Variants in GREM1 observed in about 807,000 individuals in gnomAD.
GREM1 encodes gremlin-1.
A neutral mutation model predicts 13.1 loss-of-function variants in GREM1; 6 were observed. The observed-to-expected ratio is 0.46, with a 90% CI of 0.25 to 0.91. The LOEUF (loss-of-function observed/expected upper bound fraction) is 0.91. GREM1 is among the 40% of genes least tolerant of loss of function. The probability of loss-of-function intolerance (pLI) is 0.18; values close to 1 mark genes in which losing one functional copy is unlikely to be tolerated. For synonymous variants in GREM1, 98 were observed against 93.7 expected (o/e 1.05, Z -0.27); for missense variants, 185 against 233.9 (o/e 0.79, Z 1.36).
chr15:32,723,998 C>T (rs913903955), intron 1 of GREM1, among the ~76,000 whole-genome samples: 7 of 152,206 alleles, frequency 4.6e-5, no homozygotes, highest in South Asian at 2.1e-4. Flanking sequence ...TTTTAAAATG[C>T]GAAGAATGGT....
At position 32,732,680 on chromosome 15, in the gene GREM1, G is replaced by C. The variant is rs2055641811; in HGVS notation, c.*1435G>C. 8.3e-6 allele frequency: 2 copies of C among 240,636 alleles called. No individual in the cohort carries two copies. The highest frequency in any genetic ancestry group is 1.8e-4 in the South Asian group (1 of 5,458). The allele number at this position is 240,636 out of a possible 1,614,324, so 14.9% of individuals were successfully genotyped here. On this transcript the variant is annotated 3_prime_UTR_variant, in exon 2 of 2. Coordinates refer to ENST00000651154, the MANE Select transcript of GREM1 (RefSeq NM_013372.7). ...CTGTTCATCTGCTACTGGTTGGATG[G>C]ACATAACTATTGTAACTATTCAGTA...
chr15:32,724,557 T>C (rs2055464202), intron 1 of GREM1, among the ~76,000 whole-genome samples: 1 of 152,206 alleles, frequency 6.6e-6, no homozygotes. Flanking sequence ...CTTGAGAAAT[T>C]GCCACACTGT....
rs1156759254 is a variant in GREM1 at position 32,737,617 on chromosome 15, A to T, written c.*6372A>T. ...GAGAAGGGAACTTCTTCAACCTCAC[A>T]CATGGCATCTATGAAAAACCCACAG... On this transcript the variant is annotated 3_prime_UTR_variant, in exon 2 of 2. Transcript: ENST00000651154. 6.6e-6 allele frequency: 1 copy of T among 152,182 alleles called. No individual in the cohort carries two copies. The highest frequency in any genetic ancestry group is 1.5e-5 in the Non-Finnish European group (1 of 68,044). 9.4% of individuals were successfully genotyped at this position (152,182 alleles called of 1,614,324 possible).
intron 1 of GREM1, among the ~76,000 whole-genome samples, chr15:32,726,623 G>A (rs1479697961): frequency 6.6e-6 from 1 of 150,770 alleles, no homozygotes; most frequent in East Asian, 1.9e-4. Context: ...AAAGCTAGCA[G>A]AAGACAAGAA....
At chr15:32,726,428 A>G (rs976213885) in intron 1 of GREM1, among the ~76,000 whole-genome samples, 2 of 152,204 alleles carry the variant, frequency 1.3e-5, no homozygotes, top group African/African-American at 2.4e-5. Context: ...GCAGAAATAA[A>G]TAGGTTCTTT....
chr15:32,718,335 C>T (rs1250147668), intron 1 of GREM1, 174 bp downstream of exon 1: 1 of 533,230 alleles, frequency 1.9e-6, no homozygotes, highest in Admixed American at 2.3e-5. Context: ...CTGCTGAGGC[C>T]GCGGACACCG....
rs555297512 is a variant in GREM1, at chr15:32,733,634, C to A, written c.*2389C>A. ...TACTGTGCCTATATTAAGACTAGTA[C>A]AAATGTGGTGTGTCTTCCAACTTTC... On this transcript the variant is annotated 3_prime_UTR_variant, in exon 2 of 2. Transcript: ENST00000651154. 1.2e-4 allele frequency: 27 copies of A among 227,888 alleles called. No individual in the cohort carries two copies. The highest frequency in any genetic ancestry group is 5.6e-4 in the African/African-American group (25 of 44,422). The allele number at this position is 227,888 out of a possible 1,614,324, so 14.1% of individuals were successfully genotyped here.
intron 1 of GREM1, among the ~76,000 whole-genome samples, chr15:32,723,880 A>G (rs2055453921): frequency 6.6e-6 from 1 of 152,248 alleles, no homozygotes. Context: ...AGAAAAAGAA[A>G]GACAAGTCTT....
chr15:32,736,399 A>G lies in GREM1; in HGVS notation c.*5154A>G, dbSNP rs1225713652. 1.3e-5 allele frequency: 2 copies of G among 152,190 alleles called. No homozygotes were observed. Among genetic ancestry groups the G allele is most frequent in the Admixed American group, 1.3e-4 (2 of 15,268 alleles). The allele number at this position is 152,190 out of a possible 1,614,324, so 9.4% of individuals were successfully genotyped here. On this transcript the variant is annotated 3_prime_UTR_variant, in exon 2 of 2. Coordinates refer to ENST00000651154, the MANE Select transcript of GREM1 (RefSeq NM_013372.7). The stretch of plus-strand genomic sequence containing the variant: ...TGTTATTGGCAATCTAGACTGCCAA[A>G]TGCATAAATAGGACTCCATCCATGC...
At chr15:32,720,300 C>T (rs2055383720) in intron 1 of GREM1, among the ~76,000 whole-genome samples, 1 of 152,178 alleles carries the variant, frequency 6.6e-6, no homozygotes, top group African/African-American at 2.4e-5. Context: ...TTATGTCCTA[C>T]ATCTCTGAAT....
chr15:32,730,449 C>G (rs1370355354), intron 1 of GREM1, among the ~76,000 whole-genome samples: 1 of 152,098 alleles, frequency 6.6e-6, no homozygotes, highest in Non-Finnish European at 1.5e-5. Context: ...AGAGCTAGGC[C>G]CTGGCTGAGT....
intron 1 of GREM1, chr15:32,719,082 G>A (rs901916826): frequency 5.8e-5 from 9 of 154,176 alleles, no homozygotes; most frequent in African/African-American, 1.9e-4. Context: ...GCGGGTTGGC[G>A]GCTGCAACGA....
Position 32,732,724 on chromosome 15 carries a change from C to G in GREM1, c.*1479C>G, listed in dbSNP as rs1239696590. 1 of 235,590 alleles carries G rather than the reference C, an allele frequency of 4.2e-6. No individual in the cohort carries two copies. Among genetic ancestry groups the G allele is most frequent in the Admixed American group, 5.8e-5 (1 of 17,334 alleles). The allele number at this position is 235,590 out of a possible 1,614,324, so 14.6% of individuals were successfully genotyped here. On this transcript the variant is annotated 3_prime_UTR_variant, in exon 2 of 2. Transcript: ENST00000651154. ...TTCAGTATTTACTGGTAGGCACTGT[C>G]CTCTGATTAAACTTGGCCTACTGGC...
chr15:32,721,707 T>C (rs1372712869), intron 1 of GREM1, among the ~76,000 whole-genome samples: 3 of 152,074 alleles, frequency 2.0e-5, no homozygotes, highest in Non-Finnish European at 4.4e-5. Context: ...TGAGCTGATA[T>C]CGTGCCAGTG....
At chr15:32,722,711 G>T (rs192762592) in intron 1 of GREM1, among the ~76,000 whole-genome samples, 1 of 152,222 alleles carries the variant, frequency 6.6e-6, no homozygotes, top group African/African-American at 2.4e-5. Flanking sequence ...AGGAAAGCAT[G>T]CTGTAGAGAG....
intron 1 of GREM1, among the ~76,000 whole-genome samples, chr15:32,729,553 T>TTCTC (rs746421781): frequency 1.3e-5 from 2 of 152,176 alleles, no homozygotes; most frequent in Non-Finnish European, 2.9e-5. Context: ...ATTCATTCTT[T>TTCTC]TCTCTCTCTG....
Position 32,738,100 on chromosome 15 carries a change from A to AC in GREM1, c.*6855_*6856insC, listed in dbSNP as rs2055722790. ...TAATTAGGCAAAAAAAAAAAAAAAA[A>AC]AAAAAAAAAAAAAAAAAAAAAAAAA... On this transcript the variant is annotated 3_prime_UTR_variant, in exon 2 of 2. Coordinates refer to ENST00000651154, the MANE Select transcript of GREM1 (RefSeq NM_013372.7). 1.2e-5 allele frequency: 1 copy of AC among 82,808 alleles called. No individual in the cohort carries two copies. The highest frequency in any genetic ancestry group is 1.3e-4 in the Admixed American group (1 of 7,824). The allele number at this position is 82,808 out of a possible 1,614,324, so 5.1% of individuals were successfully genotyped here. A position where few individuals can be genotyped will look rare whatever the true frequency, so the allele number is the denominator to read the frequency against.
chr15:32,725,565 A>G (rs2055487759), intron 1 of GREM1, among the ~76,000 whole-genome samples: 1 of 152,056 alleles, frequency 6.6e-6, no homozygotes, highest in African/African-American at 2.4e-5. Flanking sequence ...GACTGCAAAA[A>G]TTTTCTCCCA....
chr15:32,724,225 C>A (rs1021942423), intron 1 of GREM1, among the ~76,000 whole-genome samples: 1 of 152,134 alleles, frequency 6.6e-6, no homozygotes, highest in Non-Finnish European at 1.5e-5. Flanking sequence ...TTGCATTTTT[C>A]GGATAGATGT....
Sources: gnomAD v4.1 joint callset for allele counts (sites outside exome capture counted in the v4.1 genomes callset) on GRCh38, gnomAD v4.1.1 for gene constraint, MANE v1.5 for transcripts, NCBI Gene and HGNC (gene_info 2026-07-23, HGNC 2026-07-21) for gene names.